Variants in LITAF observed in about 807,000 individuals in gnomAD.
LITAF encodes lipopolysaccharide-induced tumor necrosis factor-alpha factor.
LITAF carries 9 observed loss-of-function variants against 14.5 expected under a neutral mutation model. The ratio of observed to expected loss-of-function variants is 0.62; its 90% CI spans 0.37 to 1.08. The LOEUF (loss-of-function observed/expected upper bound fraction) is 1.08. LITAF is among the 50% of genes least tolerant of loss of function. LITAF has a pLI of 0.01. For synonymous variants in LITAF, 98 were observed against 88.2 expected (o/e 1.11, Z -0.62); for missense variants, 206 against 213.4 (o/e 0.97, Z 0.22).
intron 1 of LITAF, among the ~76,000 whole-genome samples, chr16:11,559,261 GA>G (rs976128328): frequency 1.3e-4 from 19 of 151,766 alleles, no homozygotes; most frequent in African/African-American, 4.4e-4. Flanking sequence ...ATGTCTAAAA[GA>G]AAAAAAGAAA....
intron 1 of LITAF, among the ~76,000 whole-genome samples, chr16:11,582,063 T>A (rs2064745493): frequency 6.6e-6 from 1 of 152,158 alleles, no homozygotes; most frequent in Non-Finnish European, 1.5e-5. Flanking sequence ...TCAGTGTATA[T>A]TTTCAAATAG....
rs2064313907 is a variant in LITAF, at chr16:11,558,844, T to A, written c.-5-2109A>T. Among the ~76,000 whole-genome samples, 1 of 152,190 alleles carries A rather than the reference T, an allele frequency of 6.6e-6. No homozygotes were observed. Among genetic ancestry groups the A allele is most frequent in the South Asian group, 2.1e-4 (1 of 4,836 alleles). On this transcript the variant is annotated intron_variant, in intron 1 of 3. Transcript: ENST00000622633. The surrounding 1 kb of genome is among the most constrained non-coding windows in gnomAD (Gnocchi z 4.1). ...CCCTTGGAGAACACGTGTTCAAGAC[T>A]TCTTTCTATCAGAGTGCTGTCCAAC...
chr16:11,625,245 C>T (rs555068560), intron 3 of LITAF, among the ~76,000 whole-genome samples: 49 of 150,058 alleles, frequency 3.3e-4, no homozygotes, highest in African/African-American at 1.1e-3. Context: ...TGGTGTCTCC[C>T]GAGATCACCT....
At chr16:11,616,000 G>A (rs759317919) in intron 3 of LITAF, among the ~76,000 whole-genome samples, 1 of 152,150 alleles carries the variant, frequency 6.6e-6, no homozygotes, top group Admixed American at 6.5e-5. Context: ...TTATGCCTAC[G>A]TCACGAAACC....
At chr16:11,551,631 G>A in intron 3 of LITAF, 1 of 554,086 alleles carries the variant, frequency 1.8e-6, no homozygotes, top group Non-Finnish European at 3.2e-6. Flanking sequence ...GACCAGCCTG[G>A]GCAACATAGT....
intron 1 of LITAF, among the ~76,000 whole-genome samples, chr16:11,575,758 T>C (rs923756890): frequency 2.0e-5 from 3 of 152,184 alleles, no homozygotes; most frequent in Non-Finnish European, 4.4e-5. Flanking sequence ...AAAAACCAAG[T>C]TGAAACACAG....
intron 3 of LITAF, among the ~76,000 whole-genome samples, chr16:11,613,050 G>A (rs1035057305): frequency 2.0e-5 from 3 of 152,034 alleles, no homozygotes; most frequent in African/African-American, 4.8e-5. Flanking sequence ...GTTTTTTGGG[G>A]TTTGTTTTAG....
At chr16:11,617,310 A>T (rs2065024936) in intron 3 of LITAF, among the ~76,000 whole-genome samples, 1 of 152,098 alleles carries the variant, frequency 6.6e-6, no homozygotes, top group Non-Finnish European at 1.5e-5. Context: ...CATCCCATGA[A>T]ATGTATGAAA....
At position 11,548,508 on chromosome 16, in the gene LITAF, T is replaced by C. The variant is rs1214139319; in HGVS notation, c.*1129A>G. 2.2e-6 allele frequency: 1 copy of C among 453,830 alleles called. No homozygotes were observed. Among genetic ancestry groups the C allele is most frequent in the Non-Finnish European group, 4.4e-6 (1 of 226,788 alleles). The allele number at this position is 453,830 out of a possible 1,614,324, so 28.1% of individuals were successfully genotyped here. A position where few individuals can be genotyped will look rare whatever the true frequency, so the allele number is the denominator to read the frequency against. ...CAGGAAACCAAAACGGACCCCACTC[T>C]GAGAGTTCCATGATGAAGGTGTTTA... On this transcript the variant is annotated 3_prime_UTR_variant, in exon 4 of 4. Coordinates refer to ENST00000622633, the MANE Select transcript of LITAF (RefSeq NM_001136472.2).
upstream of LITAF, chr16:11,587,320 G>A (rs1427763423): frequency 2.2e-6 from 1 of 447,168 alleles, no homozygotes; most frequent in Non-Finnish European, 4.5e-6. Flanking sequence ...ACCACTTCCA[G>A]GCGGCGGGAC....
chr16:11,556,758 C>G (rs2064277346), intron 1 of LITAF, 23 bp from the exon 2 acceptor site: 1 of 1,587,940 alleles, frequency 6.3e-7, no homozygotes, highest in Admixed American at 1.7e-5. Flanking sequence ...CAGAACATAC[C>G]AGATAAGAAA....
intron 3 of LITAF, among the ~76,000 whole-genome samples, chr16:11,611,064 T>C (rs1386615119): frequency 6.6e-6 from 1 of 151,678 alleles, no homozygotes; most frequent in African/African-American, 2.4e-5. Flanking sequence ...CAGAAAAAAA[T>C]ACAGTACATG....
intron 1 of LITAF, among the ~76,000 whole-genome samples, chr16:11,568,245 A>G (rs547897118): frequency 1.4e-5 from 2 of 147,788 alleles, no homozygotes; most frequent in East Asian, 2.0e-4. Flanking sequence ...CCATGTTTGC[A>G]CTACTGCACT....
intron 1 of LITAF, among the ~76,000 whole-genome samples, chr16:11,574,104 T>C (rs1356052233): frequency 6.6e-6 from 1 of 151,868 alleles, no homozygotes; most frequent in East Asian, 1.9e-4. Context: ...TGCAGTGGCA[T>C]GATCATAGCT....
chr16:11,557,394 A>C (rs1232669804), intron 1 of LITAF, among the ~76,000 whole-genome samples: 2 of 151,986 alleles, frequency 1.3e-5, no homozygotes, highest in African/African-American at 2.4e-5. Context: ...GTCTGTAAAA[A>C]TCTCAGTTGT....
At chr16:11,561,699 C>T (rs137869771) in intron 1 of LITAF, 1 of 152,196 alleles carries the variant, frequency 6.6e-6, no homozygotes, top group African/African-American at 2.4e-5. Context: ...AATGCCACCA[C>T]GGTTAGTCCC....
intron 1 of LITAF, among the ~76,000 whole-genome samples, chr16:11,580,047 C>T (rs1383856702): frequency 1.3e-5 from 2 of 152,164 alleles, no homozygotes; most frequent in Non-Finnish European, 2.9e-5. Context: ...TTTTTGAACA[C>T]AGACATGATG....
chr16:11,560,190 A>T (rs2064339209), intron 1 of LITAF, among the ~76,000 whole-genome samples: 1 of 151,094 alleles, frequency 6.6e-6, no homozygotes, highest in Non-Finnish European at 1.5e-5. Flanking sequence ...CCAGCTACTC[A>T]GGAGGCTGAG....
At chr16:11,564,224 A>G (rs1159421206) in intron 1 of LITAF, among the ~76,000 whole-genome samples, 4 of 152,018 alleles carry the variant, frequency 2.6e-5, no homozygotes, top group African/African-American at 7.2e-5. Flanking sequence ...TTTTGTTAAA[A>G]GTGGAGGCAA....
Sources: gnomAD v4.1 joint callset for allele counts (sites outside exome capture counted in the v4.1 genomes callset) on GRCh38, gnomAD v4.1.1 for gene constraint, Gnocchi (gnomAD v3.1) non-coding constraint, MANE v1.5 for transcripts, NCBI Gene and HGNC (gene_info 2026-07-23, HGNC 2026-07-21) for gene names.